RBM23: variants seen among roughly 807,000 people sequenced by gnomAD.
The protein encoded by RBM23 is probable RNA-binding protein 23.
Under a neutral mutation model 56.2 loss-of-function variants are expected in RBM23, and 53 were observed. The ratio of observed to expected loss-of-function variants is 0.94; its 90% CI spans 0.76 to 1.19. RBM23 has a LOEUF of 1.19. Ranked by LOEUF, RBM23 falls within the 50% of genes most tolerant of loss-of-function variation. The pLI is 0.00. For missense variants in RBM23, 642 were observed against 590.3 expected, an observed-to-expected ratio of 1.09 and a Z score of -0.91; for synonymous variants, 197 against 198.5, an observed-to-expected ratio of 0.99 and a Z score of 0.06.
At chr14:22,903,623 C>T in intron 10 of RBM23, 1 of 998,920 alleles carries the variant, frequency 1.0e-6, no homozygotes, top group Admixed American at 5.4e-5. Context: ...GGAGTGTATG[C>T]TGCCTGGTTT....
At chr14:22,908,549 T>A in intron 3 of RBM23, 169 bp from the exon 4 acceptor site, 1 of 608,904 alleles carries the variant, frequency 1.6e-6, no homozygotes, top group Non-Finnish European at 2.7e-6. Context: ...TGTACCATCA[T>A]GCCCAGCTAA....
Position 22,905,410 on chromosome 14 carries a change from T to C in RBM23, c.499A>G (p.Thr167Ala), listed in dbSNP as rs1390886921. ...NLSPEERDAR[T>A]VFCMQLAARI... ...GCAGCTAACTGCATACAGAAAACTG[T>C]GCGGGCATCACGCTCCTCAGGACTC... The change falls in exon 7 of 14, where the codon ACA becomes GCA. Residue 167 changes from threonine to alanine, a missense_variant. Thr to Ala is a moderately conservative substitution (Grantham distance 58). Transcript: ENST00000359890. 1.9e-6 allele frequency: 3 copies of C among 1,614,136 alleles called. No homozygotes were observed. The highest frequency in any genetic ancestry group is 1.7e-5 in the Admixed American group (1 of 60,022).
At chr14:22,918,423 C>A (rs1473805532) in intron 1 of RBM23, among the ~76,000 whole-genome samples, 1 of 151,436 alleles carries the variant, frequency 6.6e-6, no homozygotes. Flanking sequence ...GTCCTATAGG[C>A]AACCAACTGG....
rs1317525218 is a variant in RBM23 at position 22,902,052 on chromosome 14, C to CGGT, written c.1173_1174insACC (p.Ala391_Ala392insThr). The CGGT allele has an allele frequency of 8.7e-6, 14 of 1,612,142 alleles. No homozygotes were observed. Among genetic ancestry groups the CGGT allele is most frequent in the Admixed American group, 1.7e-5 (1 of 59,836 alleles). On this transcript the variant is annotated inframe_insertion, in exon 12 of 14. Transcript: ENST00000359890. Reference sequence around the variant, plus strand: ...AGTTGCAAGGCAGCAGCCTGGGCGGCGGCGGCAGCAGCAGCAGCAGCAGTG... The same window carrying CGGT: ...AGTTGCAAGGCAGCAGCCTGGGCGGCGGTGGCGGCAGCAGCAGCAGCAGCAGTG...
chr14:22,904,133 G>A (rs779274580), intron 10 of RBM23, 128 bp downstream of exon 10: 8 of 1,565,804 alleles, frequency 5.1e-6, no homozygotes, highest in African/African-American at 1.4e-5. Context: ...GCTAGTCCAA[G>A]CTTCAGGCAC....
Position 22,904,948 on chromosome 14 carries a change from C to A in RBM23, c.791G>T (p.Arg264Leu), listed in dbSNP as rs1229131414. The A allele has an allele frequency of 6.2e-7, 1 of 1,614,230 alleles. No homozygotes were observed. The part of the protein sequence containing the change: ...NLQKGNGGPM[R>L]LYVGSLHFNI... ...GAAGTGCAGGGAACCCACATAGAGGCGCATTGGTCCACCATTGCCCTTTTG... is the reference window on the plus strand; with the variant it reads ...GAAGTGCAGGGAACCCACATAGAGGAGCATTGGTCCACCATTGCCCTTTTG... Residue 264 changes from arginine (R) to leucine (L), a missense_variant, in exon 9 of 14, where the codon CGC becomes CTC. By Grantham distance (102) the Arg-to-Leu change is moderately radical (BLOSUM62 -2). Transcript: ENST00000359890.
Position 22,902,300 on chromosome 14 carries a change from T to A in RBM23, c.1013A>T (p.His338Leu). Residue 338 changes from histidine (H) to leucine (L), a missense_variant, in exon 11 of 14, where the codon CAT becomes CTT. Physicochemically the swap from His to Leu is moderately conservative, Grantham distance 99 (BLOSUM62 -3). Coordinates refer to ENST00000359890, the MANE Select transcript of RBM23 (RefSeq NM_001077351.2). ...GCCACCATCCAGTCGCTCAGTCACA[T>A]GGCCAACCCTCATAGGTCGACCAGC... ...ELAGRPMRVG[H>L]VTERLDGGTD... 6.2e-7 allele frequency: 1 copy of A among 1,614,212 alleles called. No homozygotes were observed. The highest frequency in any genetic ancestry group is 2.2e-5 in the East Asian group (1 of 44,890).
chr14:22,915,957 G>A (rs190360779), intron 1 of RBM23, among the ~76,000 whole-genome samples: 211 of 152,346 alleles, frequency 1.4e-3, no homozygotes, highest in Non-Finnish European at 2.4e-3. Context: ...GGTGGCTCAC[G>A]CCTGCAATCT....
chr14:22,906,469 A>T, intron 4 of RBM23, 101 bp from the exon 5 acceptor site: 1 of 1,351,804 alleles, frequency 7.4e-7, no homozygotes, highest in South Asian at 1.3e-5. Context: ...GGTGCTGAGA[A>T]GTTCGTATAA....
rs932023164 is a variant in RBM23 at position 22,900,646 on chromosome 14, G to C, written c.*1084C>G. 1 of 152,156 alleles carries C rather than the reference G, an allele frequency of 6.6e-6. No homozygotes were observed. Among genetic ancestry groups the C allele is most frequent in the Non-Finnish European group, 1.5e-5 (1 of 68,030 alleles). 9.4% of individuals were successfully genotyped at this position (152,156 alleles called of 1,614,324 possible). ...AGGTGGTTAAATAAATAAACACAAT[G>C]ATGTTACTAATGTTTTATATCCCTA... On this transcript the variant is annotated 3_prime_UTR_variant, in exon 14 of 14. Coordinates refer to ENST00000359890, the MANE Select transcript of RBM23 (RefSeq NM_001077351.2).
chr14:22,918,780 C>G (rs1272785512), intron 1 of RBM23, among the ~76,000 whole-genome samples: 1 of 152,216 alleles, frequency 6.6e-6, no homozygotes, highest in Non-Finnish European at 1.5e-5. Flanking sequence ...GTGCAAGATA[C>G]AGCCACGAGG....
chr14:22,897,040 G>T lies in RBM23; in HGVS notation c.*4690C>A, dbSNP rs2040259282. 6.6e-6 allele frequency: 1 copy of T among 152,194 alleles called. No homozygotes were observed. Among genetic ancestry groups the T allele is most frequent in the Middle Eastern group, 3.2e-3 (1 of 316 alleles). 9.4% of individuals were successfully genotyped at this position (152,194 alleles called of 1,614,324 possible). Reference sequence around the variant, plus strand: ...ATCACAGGCTACCATGGTAACATCAGAAAGAGTAAAGCTGCATCTTCTCTC... The same window carrying T: ...ATCACAGGCTACCATGGTAACATCATAAAGAGTAAAGCTGCATCTTCTCTC... On this transcript the variant is annotated 3_prime_UTR_variant, in exon 14 of 14. Coordinates refer to ENST00000359890, the MANE Select transcript of RBM23 (RefSeq NM_001077351.2).
intron 3 of RBM23, 85 bp downstream of exon 3, chr14:22,909,398 A>C: frequency 9.3e-7 from 1 of 1,072,934 alleles, no homozygotes; most frequent in Non-Finnish European, 1.4e-6. Context: ...AACAGAAACA[A>C]TCTCCCTATT....
chr14:22,903,060 G>A, intron 10 of RBM23: 1 of 984,912 alleles, frequency 1.0e-6, no homozygotes, highest in Non-Finnish European at 1.2e-6. Context: ...GGGATTACAG[G>A]TGTGAGCCAC....
rs2041472904 is a variant in RBM23, at chr14:22,905,975, C to T, written c.401+220G>A. 22 of 628,882 alleles carry T rather than the reference C, an allele frequency of 3.5e-5. No individual in the cohort carries two copies. In the South Asian group the frequency reaches 4.4e-4, roughly 13 times the overall value. 39.0% of individuals were successfully genotyped at this position (628,882 alleles called of 1,614,324 possible). ...ATGTTGTCCTGGCTGGTCTTGAATT[C>T]CTGAGCCCAAGTGATCTTCTGGCCT... On this transcript the variant is annotated intron_variant, in intron 5 of 13. Transcript: ENST00000359890.
intron 2 of RBM23, among the ~76,000 whole-genome samples, chr14:22,910,450 C>CAAAAAA (rs546748436): frequency 2.7e-4 from 19 of 71,146 alleles, no homozygotes; most frequent in East Asian, 5.8e-4. Context: ...AACTTCATCT[C>CAAAAAA]AAAAAAAAAA....
At chr14:22,917,861 G>A (rs1197673075) in intron 1 of RBM23, 1 of 152,206 alleles carries the variant, frequency 6.6e-6, no homozygotes, top group East Asian at 1.9e-4. Context: ...CCTCGTCATA[G>A]CACAAGCCAA....
At position 22,901,441 on chromosome 14, in the gene RBM23, G is replaced by T. The variant is rs2138877204; in HGVS notation, c.*289C>A. 2 of 555,978 alleles carry T rather than the reference G, an allele frequency of 3.6e-6. No individual in the cohort carries two copies. The highest frequency in any genetic ancestry group is 4.8e-5 in the South Asian group (2 of 41,818). 34.4% of individuals were successfully genotyped at this position (555,978 alleles called of 1,614,324 possible). ...TGAGGAATCACTAAGGTGTTGGAAAGGGCAAGAAGGTAATCTCAGAGACGA... is the reference window on the plus strand; with the variant it reads ...TGAGGAATCACTAAGGTGTTGGAAATGGCAAGAAGGTAATCTCAGAGACGA... On this transcript the variant is annotated 3_prime_UTR_variant, in exon 14 of 14. Transcript: ENST00000359890.
Position 22,905,404 on chromosome 14 carries a change from A to G in RBM23, c.505T>C (p.Phe169Leu). The part of the protein sequence containing the change: ...SPEERDARTV[F>L]CMQLAARIRP... ...ATTCGGGCAGCTAACTGCATACAGA[A>G]AACTGTGCGGGCATCACGCTCCTCA... Residue 169 changes from phenylalanine (F) to leucine (L), a missense_variant, in exon 7 of 14, where the codon TTC becomes CTC. Phe to Leu is a conservative substitution (Grantham distance 22). Coordinates refer to ENST00000359890, the MANE Select transcript of RBM23 (RefSeq NM_001077351.2). The G allele has an allele frequency of 6.2e-7, 1 of 1,614,178 alleles. No individual in the cohort carries two copies. Among genetic ancestry groups the G allele is most frequent in the Non-Finnish European group, 8.5e-7 (1 of 1,180,042 alleles).
Sources: allele counts gnomAD v4.1 joint callset (sites outside exome capture counted in the v4.1 genomes callset), GRCh38; gene constraint gnomAD v4.1.1; transcripts MANE v1.5; gene names NCBI Gene and HGNC (gene_info 2026-07-23, HGNC 2026-07-21).